The following ETV6 variants were observed in gnomAD, a reference collection of about 807,000 sequenced individuals.
The protein encoded by ETV6 is ETS variant transcription factor 6.
ETV6 carries 16 observed loss-of-function variants against 51.1 expected under a neutral mutation model. The ratio of observed to expected loss-of-function variants is 0.31; its 90% CI spans 0.21 to 0.48. The LOEUF is 0.48. Ranked by LOEUF, ETV6 falls within the 20% of genes least tolerant of loss-of-function variation. The probability of loss-of-function intolerance (pLI) is 0.99; values close to 1 mark genes in which losing one functional copy is unlikely to be tolerated. For missense variants in ETV6, 458 were observed against 594.8 expected, an observed-to-expected ratio of 0.77 and a Z score of 2.39; for synonymous variants, 240 against 224.1, an observed-to-expected ratio of 1.07 and a Z score of -0.64.
intron 4 of ETV6, among the ~76,000 whole-genome samples, chr12:11,860,837 C>T (rs1181820251): frequency 6.6e-6 from 1 of 152,178 alleles, no homozygotes; most frequent in Non-Finnish European, 1.5e-5. Context: ...CTTAACCATT[C>T]TCAATATCGC....
intron 1 of ETV6, among the ~76,000 whole-genome samples, chr12:11,727,110 G>A (rs1322226817): frequency 6.6e-6 from 1 of 152,230 alleles, no homozygotes; most frequent in Non-Finnish European, 1.5e-5. Context: ...TGTGGGGGTA[G>A]GTGAACTACG....
intron 1 of ETV6, among the ~76,000 whole-genome samples, chr12:11,708,642 A>G (rs1369766285): frequency 6.6e-6 from 1 of 152,214 alleles, no homozygotes; most frequent in Non-Finnish European, 1.5e-5. Context: ...TTCTAGGCAC[A>G]TTCAGGAATC....
intron 2 of ETV6, among the ~76,000 whole-genome samples, chr12:11,756,216 T>C (rs1178389639): frequency 6.6e-6 from 1 of 151,988 alleles, no homozygotes; most frequent in Non-Finnish European, 1.5e-5. Flanking sequence ...CTGGGCAGAG[T>C]GCAAGAGGAG....
intron 1 of ETV6, among the ~76,000 whole-genome samples, chr12:11,734,656 C>T (rs1267759010): frequency 6.6e-6 from 1 of 152,070 alleles, no homozygotes; most frequent in Non-Finnish European, 1.5e-5. Context: ...ATGCTCCAGG[C>T]ACTATGCAAA....
At chr12:11,741,987 A>T (rs1035795677) in intron 1 of ETV6, among the ~76,000 whole-genome samples, 1 of 152,230 alleles carries the variant, frequency 6.6e-6, no homozygotes, top group African/African-American at 2.4e-5. Context: ...ATTCTAATAC[A>T]CAGATAATAG....
chr12:11,860,414 C>A (rs1416254307), intron 4 of ETV6, among the ~76,000 whole-genome samples: 1 of 152,104 alleles, frequency 6.6e-6, no homozygotes, highest in Non-Finnish European at 1.5e-5. Flanking sequence ...AATCCCAGCT[C>A]CCCAGTTTAC....
In ETV6 at chr12:11,650,091, A is replaced by C. The variant is rs1863861333; in HGVS notation, c.-37A>C. ...TGGGGAGAGGAAAGGAAAGTGGAAA[A>C]AACCTGAGAACTTCCTGATCTCTCT... is the stretch of plus-strand genomic sequence containing the variant. On this transcript the variant is annotated 5_prime_UTR_variant, in exon 1 of 8. Transcript: ENST00000396373. The C allele has an allele frequency of 4.3e-6, 7 of 1,609,444 alleles. No individual in the cohort carries two copies. The highest frequency in any genetic ancestry group is 6.0e-6 in the Non-Finnish European group (7 of 1,175,954).
chr12:11,719,256 A>G (rs762933636), intron 1 of ETV6, among the ~76,000 whole-genome samples: 2 of 152,244 alleles, frequency 1.3e-5, no homozygotes, highest in Non-Finnish European at 2.9e-5. Flanking sequence ...CTGGAAATCT[A>G]GCATCATGTT....
intron 2 of ETV6, among the ~76,000 whole-genome samples, chr12:11,786,705 A>G (rs1310811417): frequency 1.3e-5 from 2 of 152,220 alleles, no homozygotes; most frequent in African/African-American, 2.4e-5. Context: ...GGTGATTTCT[A>G]AAGACTCTTC....
At chr12:11,758,375 G>C (rs1945036101) in intron 2 of ETV6, among the ~76,000 whole-genome samples, 1 of 152,190 alleles carries the variant, frequency 6.6e-6, no homozygotes, top group Non-Finnish European at 1.5e-5. Context: ...CTGTTGAGGA[G>C]GTGGCTTCCC....
intron 2 of ETV6, among the ~76,000 whole-genome samples, chr12:11,768,692 A>G (rs1042806404): frequency 2.6e-5 from 4 of 152,136 alleles, no homozygotes; most frequent in African/African-American, 9.7e-5. Context: ...GGAAAATAAT[A>G]TACCTGGGTG....
chr12:11,658,615 C>T (rs115541862), intron 1 of ETV6, among the ~76,000 whole-genome samples: 276 of 152,316 alleles, frequency 1.8e-3, no homozygotes, highest in African/African-American at 6.0e-3. Context: ...CTAGGCCTCC[C>T]GAGTCAGCTG....
intron 1 of ETV6, among the ~76,000 whole-genome samples, chr12:11,733,343 G>A (rs181220121): frequency 7.1e-6 from 1 of 141,618 alleles, no homozygotes; most frequent in East Asian, 2.1e-4. Context: ...GGGAGGCAGA[G>A]CTTGCAGTGA....
intron 5 of ETV6, among the ~76,000 whole-genome samples, chr12:11,882,518 A>G (rs970160687): frequency 6.6e-6 from 1 of 152,228 alleles, no homozygotes; most frequent in Non-Finnish European, 1.5e-5. Flanking sequence ...TAAAATAGGA[A>G]TAGCAACAGC....
rs746139322 is a variant in ETV6 at position 11,650,170 on chromosome 12, T to A, written c.33+10T>A. On this transcript the variant is annotated intron_variant, in intron 1 of 7. Coordinates refer to ENST00000396373, the MANE Select transcript of ETV6 (RefSeq NM_001987.5). ...TCAGTGTAGCATTAAGGTAAAAATC[T>A]TCTCCCCTCCTTCTACGTGGTGGAA... is the stretch of plus-strand genomic sequence containing the variant. 109 of 1,611,970 alleles carry A rather than the reference T, an allele frequency of 6.8e-5. No individual in the cohort carries two copies. Among genetic ancestry groups the A allele is most frequent in the Non-Finnish European group, 9.0e-5 (106 of 1,178,386 alleles).
chr12:11,708,257 GA>G (rs59648448), intron 1 of ETV6, among the ~76,000 whole-genome samples: 2,263 of 113,138 alleles, frequency 0.02, 34 homozygotes, highest in African/African-American at 0.052. Context: ...GAGTCTCAGT[GA>G]AAAAAAAAAA....
At chr12:11,878,936 G>A (rs1947042081) in intron 5 of ETV6, among the ~76,000 whole-genome samples, 2 of 151,698 alleles carry the variant, frequency 1.3e-5, no homozygotes. Context: ...AATAATTTGT[G>A]GGGTTGCTTA....
At chr12:11,757,705 C>T (rs1945027670) in intron 2 of ETV6, among the ~76,000 whole-genome samples, 1 of 152,312 alleles carries the variant, frequency 6.6e-6, no homozygotes, top group East Asian at 1.9e-4. Flanking sequence ...TAAAGAGTTT[C>T]ATGGACTTGA....
intron 2 of ETV6, among the ~76,000 whole-genome samples, chr12:11,764,866 G>A (rs185292086): frequency 7.0e-4 from 106 of 152,156 alleles, no homozygotes; most frequent in African/African-American, 2.5e-3. Flanking sequence ...CTGTGAACTG[G>A]GTTTTATTAT....
Sources: allele counts gnomAD v4.1 joint callset (sites outside exome capture counted in the v4.1 genomes callset), GRCh38; gene constraint gnomAD v4.1.1; transcripts MANE v1.5; gene names NCBI Gene and HGNC (gene_info 2026-07-23, HGNC 2026-07-21).